RARB: variants seen among roughly 807,000 people sequenced by gnomAD.
RARB encodes HBV-activated protein.
Under a neutral mutation model 51.9 loss-of-function variants are expected in RARB, and 17 were observed. That is an observed-to-expected ratio of 0.33 (90% CI 0.22 to 0.49). The LOEUF (loss-of-function observed/expected upper bound fraction) is 0.49. Among genes scored for constraint, RARB ranks in the 20% least tolerant of loss-of-function variants. The pLI, the probability that RARB is intolerant of heterozygous loss-of-function variation, is 0.99. For missense variants in RARB, 369 were observed against 550.8 expected, an observed-to-expected ratio of 0.67 and a Z score of 3.30; for synonymous variants, 215 against 195.4, an observed-to-expected ratio of 1.10 and a Z score of -0.84.
At chr3:25,022,531 G>A (rs1457703096) in intron 2 of RARB, among the ~76,000 whole-genome samples, 2 of 152,154 alleles carry the variant, frequency 1.3e-5, no homozygotes, top group Non-Finnish European at 2.9e-5. Flanking sequence ...TTCCAAAGCG[G>A]CTGTATCATT....
intron 2 of RARB, among the ~76,000 whole-genome samples, chr3:24,927,371 A>T (rs1695342288): frequency 1.3e-5 from 2 of 152,120 alleles, no homozygotes; most frequent in Non-Finnish European, 2.9e-5. Context: ...ATAATTTTTT[A>T]AGAAGCTACA....
intron 3 of RARB, among the ~76,000 whole-genome samples, chr3:25,106,024 C>G (rs1699492704): frequency 6.6e-6 from 1 of 152,104 alleles, no homozygotes; most frequent in Non-Finnish European, 1.5e-5. Context: ...GTAGCTACCC[C>G]AGAATGACAA....
chr3:25,131,949 G>A (rs556423502), intron 3 of RARB, among the ~76,000 whole-genome samples: 32 of 152,122 alleles, frequency 2.1e-4, no homozygotes, highest in African/African-American at 6.7e-4. Flanking sequence ...GGGTGCAAAA[G>A]AAGGTGAGAT....
At chr3:25,259,712 C>T (rs755828094) in intron 5 of RARB, among the ~76,000 whole-genome samples, 93 of 152,228 alleles carry the variant, frequency 6.1e-4, no homozygotes, top group Non-Finnish European at 6.2e-4. Context: ...ATCAGTTAGG[C>T]AAATTTCTAC....
chr3:25,346,428 A>G (rs992734146), intron 5 of RARB, among the ~76,000 whole-genome samples: 1 of 152,192 alleles, frequency 6.6e-6, no homozygotes, highest in Non-Finnish European at 1.5e-5. Context: ...TAATTAATTA[A>G]TTAGGTGGTC....
At chr3:25,020,432 C>T (rs978276763) in intron 2 of RARB, 4 of 152,106 alleles carry the variant, frequency 2.6e-5, no homozygotes, top group African/African-American at 9.7e-5. Flanking sequence ...TGCAAGGTAG[C>T]AGCTGTGACT....
intron 2 of RARB, among the ~76,000 whole-genome samples, chr3:24,860,423 CAGA>C (rs1198393545): frequency 2.0e-5 from 3 of 152,140 alleles, no homozygotes; most frequent in Non-Finnish European, 2.9e-5. Context: ...GGTCATTTGG[CAGA>C]AGGTTTCTTT....
At chr3:24,873,153 T>C (rs1327524372) in intron 2 of RARB, among the ~76,000 whole-genome samples, 2 of 152,234 alleles carry the variant, frequency 1.3e-5, no homozygotes, top group African/African-American at 4.8e-5. Flanking sequence ...CCTGTGCTAA[T>C]TGAAACCTGT....
intron 5 of RARB, among the ~76,000 whole-genome samples, chr3:25,230,043 T>G (rs547593511): frequency 3.3e-5 from 5 of 152,014 alleles, no homozygotes; most frequent in Admixed American, 2.6e-4. Flanking sequence ...AGCAAAGAAA[T>G]AAAAATAAAT....
At chr3:24,867,462 G>A (rs369480167) in intron 2 of RARB, among the ~76,000 whole-genome samples, 3 of 152,094 alleles carry the variant, frequency 2.0e-5, no homozygotes, top group African/African-American at 7.2e-5. Context: ...CTTCTTAGTG[G>A]AAAACAAGTC....
At chr3:25,568,118 C>G (rs898631023) in intron 3 of RARB, among the ~76,000 whole-genome samples, 1 of 152,192 alleles carries the variant, frequency 6.6e-6, no homozygotes, top group Admixed American at 6.5e-5. Context: ...GGCTGCACTT[C>G]CCACTCATTT....
intron 5 of RARB, among the ~76,000 whole-genome samples, chr3:25,393,709 A>G (rs957898483): frequency 6.6e-6 from 1 of 152,104 alleles, no homozygotes; most frequent in Non-Finnish European, 1.5e-5. Context: ...GAAGGTGTTC[A>G]TAGTAGCCTT....
chr3:24,893,141 A>G (rs1559385460), intron 2 of RARB, among the ~76,000 whole-genome samples: 1 of 152,242 alleles, frequency 6.6e-6, no homozygotes, highest in African/African-American at 2.4e-5. Flanking sequence ...CTGCTAATTG[A>G]CAATTTTACG....
intron 5 of RARB, among the ~76,000 whole-genome samples, chr3:25,213,003 A>G (rs909396852): frequency 1.3e-5 from 2 of 152,180 alleles, no homozygotes; most frequent in African/African-American, 2.4e-5. Flanking sequence ...AGAAGCTCTC[A>G]GGTTTTCTTC....
intron 5 of RARB, chr3:25,174,620 A>G (rs767281823): frequency 4.5e-6 from 6 of 1,339,672 alleles, no homozygotes; most frequent in Non-Finnish European, 5.9e-6. Context: ...GGTTGATTGG[A>G]TGAAGGGACC....
intron 5 of RARB, among the ~76,000 whole-genome samples, chr3:25,378,301 A>G (rs978613813): frequency 2.6e-5 from 4 of 152,182 alleles, no homozygotes; most frequent in African/African-American, 9.7e-5. Context: ...TTATGGCTCT[A>G]CAGTCACCAG....
intron 2 of RARB, among the ~76,000 whole-genome samples, chr3:25,493,589 T>G (rs1309312235): frequency 6.6e-6 from 1 of 152,214 alleles, no homozygotes; most frequent in East Asian, 1.9e-4. Context: ...GGTTAGAGTC[T>G]TTTAGTGAGT....
At chr3:25,331,841 A>G (rs543076710) in intron 5 of RARB, among the ~76,000 whole-genome samples, 2 of 152,162 alleles carry the variant, frequency 1.3e-5, no homozygotes, top group Non-Finnish European at 2.9e-5. Flanking sequence ...GATAAAGGGG[A>G]TATCACCACC....
At chr3:24,972,698 T>A (rs888909195) in intron 2 of RARB, among the ~76,000 whole-genome samples, 1 of 151,972 alleles carries the variant, frequency 6.6e-6, no homozygotes, top group Non-Finnish European at 1.5e-5. Flanking sequence ...TGGGGTGAGA[T>A]GGATATCTCA....
Sources: gnomAD v4.1 joint callset for allele counts (sites outside exome capture counted in the v4.1 genomes callset) on GRCh38, gnomAD v4.1.1 for gene constraint, MANE v1.5 for transcripts, NCBI Gene and HGNC (gene_info 2026-07-23, HGNC 2026-07-21) for gene names.